ERG: variants seen among roughly 807,000 people sequenced by gnomAD.
ERG encodes ETS transcription factor ERG, also known as transcriptional regulator ERG.
Under a neutral mutation model 55.3 loss-of-function variants are expected in ERG, and 9 were observed. The observed-to-expected ratio is 0.16, with a 90% confidence interval of 0.10 to 0.28. ERG has a LOEUF of 0.28. Ranked by LOEUF, ERG falls within the 10% of genes least tolerant of loss-of-function variation. The probability of loss-of-function intolerance (pLI) is 1.00; values close to 1 mark genes in which losing one functional copy is unlikely to be tolerated. For missense variants in ERG, 434 were observed against 631.6 expected (o/e 0.69, Z 3.35); for synonymous variants, 223 against 237.3 (o/e 0.94, Z 0.55).
At chr21:38,430,532 A>C (rs1990154746) in intron 2 of ERG, among the ~76,000 whole-genome samples, 1 of 152,236 alleles carries the variant, frequency 6.6e-6, no homozygotes, top group Admixed American at 6.5e-5. Flanking sequence ...CACAGACATT[A>C]GTCTTGACAG....
In ERG at chr21:38,383,721, G is replaced by A. The variant is rs140680957; in HGVS notation, c.1122C>T (p.Asp374=). The change falls in exon 10 of 10, where the codon GAC becomes GAT. Residue 374 remains aspartate (D), a synonymous_variant. Coordinates refer to ENST00000288319, the MANE Select transcript of ERG (RefSeq NM_182918.4). This position sits in a 1 kb window ranked among gnomAD's most constrained non-coding sequence, Gnocchi z 5.7. The part of the protein sequence containing the change: ...KLSRALRYYY[D]KNIMTKVHGK... ...CATGGACCTTGGTCATGATGTTCTT[G>A]TCATAGTAGTAACGGAGGGCGCGGC... 6.2e-7 allele frequency: 1 copy of A among 1,614,068 alleles called. No individual in the cohort carries two copies. The highest frequency in any genetic ancestry group is 1.3e-5 in the African/African-American group (1 of 74,918).
At chr21:38,567,584 C>T (rs1055382538) in intron 2 of ERG, among the ~76,000 whole-genome samples, 3 of 152,080 alleles carry the variant, frequency 2.0e-5, no homozygotes, top group Admixed American at 6.5e-5. Flanking sequence ...ACTTTGGGGG[C>T]GGGGGAACTC....
chr21:38,447,032 G>A (rs2058898514), intron 1 of ERG, among the ~76,000 whole-genome samples: 1 of 152,030 alleles, frequency 6.6e-6, no homozygotes, highest in Non-Finnish European at 1.5e-5. Context: ...CACCCTAGAA[G>A]CAGCCCTTCT....
chr21:38,444,803 C>T (rs2058874655), intron 2 of ERG, among the ~76,000 whole-genome samples: 1 of 151,478 alleles, frequency 6.6e-6, no homozygotes, highest in Admixed American at 6.6e-5. Flanking sequence ...GGGTGGAGGG[C>T]AGACAATGGA....
chr21:38,466,620 G>A (rs1303929187), intron 1 of ERG, among the ~76,000 whole-genome samples: 1 of 151,976 alleles, frequency 6.6e-6, no homozygotes, highest in Non-Finnish European at 1.5e-5. Context: ...GACAGGTCTG[G>A]GAAATTATTC....
chr21:38,444,183 T>C (rs182968764), intron 2 of ERG, among the ~76,000 whole-genome samples: 5 of 152,254 alleles, frequency 3.3e-5, no homozygotes, highest in Middle Eastern at 3.4e-3. Flanking sequence ...TTAAAACATA[T>C]ATGTAACAAA....
chr21:38,506,980 C>A (rs1795728047), intron 2 of ERG, among the ~76,000 whole-genome samples: 1 of 152,108 alleles, frequency 6.6e-6, no homozygotes. Context: ...ATAACCTTTG[C>A]ATGTGAGAGG....
intron 2 of ERG, among the ~76,000 whole-genome samples, chr21:38,551,156 A>G (rs1008920598): frequency 1.8e-5 from 2 of 108,408 alleles, no homozygotes; most frequent in African/African-American, 5.7e-5. Context: ...ATAGTCTCTG[A>G]GGTTTTTTTT....
intron 1 of ERG, among the ~76,000 whole-genome samples, chr21:38,486,979 A>G (rs2212930): frequency 0.48 from 73,487 of 152,070 alleles, 19,646 homozygotes; most frequent in Non-Finnish European, 0.6. Flanking sequence ...TCTACAGATG[A>G]GGAAACGAGG....
rs780567701 is a variant in ERG, at chr21:38,380,727, C to CA, written c.*2675dup. 2.3e-5 allele frequency: 25 copies of CA among 1,065,084 alleles called. No homozygotes were observed. Among genetic ancestry groups the CA allele is most frequent in the African/African-American group, 2.1e-4 (13 of 61,168 alleles). The allele number at this position is 1,065,084 out of a possible 1,614,324, so 66.0% of individuals were successfully genotyped here. A position where few individuals can be genotyped will look rare whatever the true frequency, so the allele number is the denominator to read the frequency against. On this transcript the variant is annotated 3_prime_UTR_variant, in exon 10 of 10. Coordinates refer to ENST00000288319, the MANE Select transcript of ERG (RefSeq NM_182918.4). ...GTTATCCAAAATTATCCCAGTTGCT[C>CA]ATAAGACTTGCTAATAACCTGGACT...
intron 2 of ERG, among the ~76,000 whole-genome samples, chr21:38,518,843 G>A (rs1379159811): frequency 6.6e-6 from 1 of 152,080 alleles, no homozygotes; most frequent in African/African-American, 2.4e-5. Flanking sequence ...ACTATTAAGA[G>A]AATCAAAAGG....
chr21:38,607,171 A>G (rs1325021872), intron 1 of ERG, among the ~76,000 whole-genome samples: 1 of 152,256 alleles, frequency 6.6e-6, no homozygotes, highest in African/African-American at 2.4e-5. Context: ...CTGGCAACCT[A>G]AAATTCTACG....
At position 38,382,234 on chromosome 21, in the gene ERG, AG is replaced by A. The variant is rs1987473692; in HGVS notation, c.*1168del. On this transcript the variant is annotated 3_prime_UTR_variant, in exon 10 of 10. Coordinates refer to ENST00000288319, the MANE Select transcript of ERG (RefSeq NM_182918.4). ...TAAGTTATATAATTATTATATAAAA[AG>A]GGGGAAAAACATTGACTTGTATACT... The A allele has an allele frequency of 9.5e-7, 1 of 1,048,918 alleles. No homozygotes were observed. Among genetic ancestry groups the A allele is most frequent in the Non-Finnish European group, 1.2e-6 (1 of 868,432 alleles). 65.0% of individuals were successfully genotyped at this position (1,048,918 alleles called of 1,614,324 possible).
At chr21:38,470,193 A>G (rs946152425) in intron 1 of ERG, among the ~76,000 whole-genome samples, 2 of 152,134 alleles carry the variant, frequency 1.3e-5, no homozygotes, top group Non-Finnish European at 2.9e-5. Context: ...TCTCTGTCCC[A>G]ATTGTATTAA....
intron 1 of ERG, among the ~76,000 whole-genome samples, chr21:38,649,563 T>A (rs1445592178): frequency 6.6e-6 from 1 of 152,210 alleles, no homozygotes; most frequent in East Asian, 1.9e-4. Context: ...TAACCTCAAG[T>A]GAATTATTTA....
chr21:38,443,291 G>A lies in ERG; in HGVS notation c.236+2113C>T, dbSNP rs569804365. On this transcript the variant is annotated intron_variant, in intron 2 of 9. Coordinates refer to ENST00000288319, the MANE Select transcript of ERG (RefSeq NM_182918.4). ...TGGCTCACTCTGCCTGTTGTCCATC[G>A]GAAATCATCTCAGTGCCCTTTTGTC... Among the ~76,000 whole-genome samples, 12 of 152,232 alleles carry A rather than the reference G, an allele frequency of 7.9e-5. No homozygotes were observed. In the East Asian group the frequency reaches 1.2e-3, roughly 15 times the overall value.
rs1601259544 is a variant in ERG at position 38,573,542 on chromosome 21, AT to A, written c.-41+2119del. On this transcript the variant is annotated intron_variant, in intron 2 of 8. Transcript: ENST00000398897. ...CTGAGATGTTTGGGTGGAGAGAAAC[AT>A]ACATCTGGCCTATGTGCACATCCAG... 2.0e-5 allele frequency among the ~76,000 whole-genome samples: 3 copies of A among 152,356 alleles called. No homozygotes were observed. The East Asian group carries it at 5.8e-4, about 29-fold the overall frequency.
At chr21:38,573,522 A>G (rs938370398) in intron 2 of ERG, among the ~76,000 whole-genome samples, 3 of 152,228 alleles carry the variant, frequency 2.0e-5, no homozygotes, top group Admixed American at 1.3e-4. Flanking sequence ...CTCCGCTGAG[A>G]TGTTTGGGTG....
chr21:38,563,821 CT>C (rs145453425), intron 2 of ERG, among the ~76,000 whole-genome samples: 293 of 152,288 alleles, frequency 1.9e-3, no homozygotes, highest in African/African-American at 6.5e-3. Flanking sequence ...TAAATGCCTC[CT>C]TTTTCCCCAA....
Sources: gnomAD v4.1 joint callset for allele counts (sites outside exome capture counted in the v4.1 genomes callset) on GRCh38, gnomAD v4.1.1 for gene constraint, Gnocchi (gnomAD v3.1) non-coding constraint, MANE v1.5 for transcripts, NCBI Gene and HGNC (gene_info 2026-07-23, HGNC 2026-07-21) for gene names.